Variants in PTPRK observed in about 807,000 individuals in gnomAD.
PTPRK encodes protein tyrosine phosphatase receptor type K, also known as receptor-type tyrosine-protein phosphatase kappa.
A neutral mutation model predicts 178.0 loss-of-function variants in PTPRK; 75 were observed. The observed-to-expected ratio is 0.42, with a 90% CI of 0.35 to 0.51. The LOEUF (loss-of-function observed/expected upper bound fraction) is 0.51, where lower values mean the gene tolerates loss of function less well. PTPRK is among the 20% of genes least tolerant of loss of function. The probability of loss-of-function intolerance (pLI) is 0.02; values close to 1 mark genes in which losing one functional copy is unlikely to be tolerated. For synonymous variants in PTPRK, 637 were observed against 620.6 expected, an observed-to-expected ratio of 1.03 and a Z score of -0.39; for missense variants, 1,441 against 1,797.8, an observed-to-expected ratio of 0.80 and a Z score of 3.59.
intron 13 of PTPRK, among the ~76,000 whole-genome samples, chr6:128,009,515 G>A (rs750258809): frequency 1.3e-5 from 2 of 151,080 alleles, no homozygotes; most frequent in Non-Finnish European, 3.0e-5. Context: ...AAATATCAAA[G>A]AGAATGATGA....
intron 1 of PTPRK, among the ~76,000 whole-genome samples, chr6:128,416,013 G>C (rs1238584573): frequency 6.6e-6 from 1 of 152,104 alleles, no homozygotes; most frequent in Non-Finnish European, 1.5e-5. Flanking sequence ...TAAACATGTA[G>C]TGAAGTATCA....
intron 1 of PTPRK, among the ~76,000 whole-genome samples, chr6:128,406,133 C>A (rs897221633): frequency 1.3e-5 from 2 of 151,850 alleles, no homozygotes; most frequent in Non-Finnish European, 2.9e-5. Flanking sequence ...CATGGTGGAA[C>A]GTGACTATAG....
chr6:128,067,766 A>C lies in PTPRK; in HGVS notation c.1910T>G (p.Leu637Arg). 1 of 1,608,404 alleles carries C rather than the reference A, an allele frequency of 6.2e-7. No individual in the cohort carries two copies. The highest frequency in any genetic ancestry group is 1.1e-5 in the South Asian group (1 of 90,338). The change falls in exon 12 of 30, where the codon CTG becomes CGG. Residue 637 changes from leucine to arginine, a missense_variant. Leu to Arg is a moderately radical substitution (Grantham distance 102, BLOSUM62 -2). Transcript: ENST00000368226. ...TTCTCTCTTGGTTCGGTGTGGGTGCAGTTCTTCCACAACAATCTGATAAGC... is the reference window on the plus strand; with the variant it reads ...TTCTCTCTTGGTTCGGTGTGGGTGCCGTTCTTCCACAACAATCTGATAAGC... ...ISAYQIVVEE[L>R]HPHRTKREAG...
intron 6 of PTPRK, among the ~76,000 whole-genome samples, chr6:128,203,857 T>A (rs974001204): frequency 6.6e-6 from 1 of 152,158 alleles, no homozygotes; most frequent in East Asian, 1.9e-4. Flanking sequence ...CCTAAAGTAA[T>A]TTATAGATTC....
intron 3 of PTPRK, among the ~76,000 whole-genome samples, chr6:128,254,113 T>C (rs17055501): frequency 6.6e-6 from 1 of 151,982 alleles, no homozygotes; most frequent in East Asian, 1.9e-4. Flanking sequence ...ACTGAAAAAA[T>C]TAGTTATGGT....
At chr6:128,078,605 CTATTT>C (rs1244525991) in intron 11 of PTPRK, among the ~76,000 whole-genome samples, 2 of 151,790 alleles carry the variant, frequency 1.3e-5, no homozygotes, top group East Asian at 1.9e-4. Flanking sequence ...CATAGTTGTT[CTATTT>C]TATTATTAGT....
chr6:128,468,673 TGGTAATTC>T (rs1256911470), intron 1 of PTPRK, among the ~76,000 whole-genome samples: 1 of 152,118 alleles, frequency 6.6e-6, no homozygotes, highest in Non-Finnish European at 1.5e-5. Flanking sequence ...ACCTCCATGT[TGGTAATTC>T]ATATTTAGAC....
chr6:128,287,938 A>T (rs1822773671), intron 3 of PTPRK, among the ~76,000 whole-genome samples: 1 of 152,100 alleles, frequency 6.6e-6, no homozygotes, highest in African/African-American at 2.4e-5. Flanking sequence ...GCTACTGTCC[A>T]AACATTCTCT....
chr6:128,328,849 GAAGT>G (rs1829904194), intron 2 of PTPRK, among the ~76,000 whole-genome samples: 1 of 152,044 alleles, frequency 6.6e-6, no homozygotes, highest in South Asian at 2.1e-4. Flanking sequence ...AAGATAGTAA[GAAGT>G]AATAAGCATT....
At chr6:128,141,032 A>G (rs1195044371) in intron 7 of PTPRK, among the ~76,000 whole-genome samples, 1 of 151,990 alleles carries the variant, frequency 6.6e-6, no homozygotes, top group Non-Finnish European at 1.5e-5. Context: ...ACCTTTACAC[A>G]TAATGAATTT....
chr6:128,155,324 T>TA (rs1290625270), intron 7 of PTPRK, among the ~76,000 whole-genome samples: 1 of 151,732 alleles, frequency 6.6e-6, no homozygotes, highest in Non-Finnish European at 1.5e-5. Context: ...AATCATCACC[T>TA]AAATCCATTT....
At chr6:128,498,058 A>G (rs933284434) in intron 1 of PTPRK, among the ~76,000 whole-genome samples, 2 of 152,204 alleles carry the variant, frequency 1.3e-5, no homozygotes, top group Admixed American at 6.5e-5. Context: ...CAAAAACAAA[A>G]GCAAAAAAAC....
At chr6:128,284,125 G>A (rs1262168452) in intron 3 of PTPRK, among the ~76,000 whole-genome samples, 1 of 151,988 alleles carries the variant, frequency 6.6e-6, no homozygotes, top group Non-Finnish European at 1.5e-5. Context: ...CTCAATTTCT[G>A]TTCCAAAACA....
At chr6:128,120,003 A>T (rs1398609909) in intron 7 of PTPRK, among the ~76,000 whole-genome samples, 1 of 151,936 alleles carries the variant, frequency 6.6e-6, no homozygotes, top group Non-Finnish European at 1.5e-5. Context: ...GTGTTTCAGG[A>T]AGAAGTCTGA....
At chr6:128,032,313 G>C (rs897938837) in intron 13 of PTPRK, among the ~76,000 whole-genome samples, 10 of 152,130 alleles carry the variant, frequency 6.6e-5, no homozygotes, top group African/African-American at 2.4e-4. Flanking sequence ...GCCCCTTTGT[G>C]GTTTTCTTCT....
chr6:128,491,446 G>T lies in PTPRK; in HGVS notation c.100+28813C>A, dbSNP rs184387489. ...TCCCAGTGGGACACAAAGGCTTTTTGTGTCTCAGGATTATGTGCTGATAAA... is the reference window on the plus strand; with the variant it reads ...TCCCAGTGGGACACAAAGGCTTTTTTTGTCTCAGGATTATGTGCTGATAAA... On this transcript the variant is annotated intron_variant, in intron 1 of 29. Coordinates refer to ENST00000368226, the MANE Select transcript of PTPRK (RefSeq NM_002844.4). Among the ~76,000 whole-genome samples, 6 of 152,322 alleles carry T rather than the reference G, an allele frequency of 3.9e-5. No homozygotes were observed. The East Asian group carries it at 1.2e-3, about 29-fold the overall frequency.
chr6:128,270,319 G>A (rs955738346), intron 3 of PTPRK, among the ~76,000 whole-genome samples: 4 of 152,102 alleles, frequency 2.6e-5, no homozygotes, highest in Non-Finnish European at 5.9e-5. Context: ...ACCTTAGAAA[G>A]TATCTAAAAT....
chr6:128,164,842 A>G (rs1233112603), intron 7 of PTPRK, among the ~76,000 whole-genome samples: 4 of 151,090 alleles, frequency 2.6e-5, no homozygotes, highest in Admixed American at 2.0e-4. Flanking sequence ...ATTAGAATGT[A>G]TGTATATATT....
Position 128,419,488 on chromosome 6 carries a change from A to G in PTPRK, c.101-21800T>C, listed in dbSNP as rs565685523. Among the ~76,000 whole-genome samples the G allele has an allele frequency of 9.7e-4, 147 of 152,122 alleles. 2 individuals carry two copies. Among genetic ancestry groups the G allele is most frequent in the Middle Eastern group, 6.8e-3 (2 of 294 alleles). On this transcript the variant is annotated intron_variant, in intron 1 of 29. Coordinates refer to ENST00000368226, the MANE Select transcript of PTPRK (RefSeq NM_002844.4). ...AAATTAGCCGGGCATGGTGGCGGGC[A>G]CCTGTAGTCCCAGCTGAGGCTGAGG...
Sources: gnomAD v4.1 joint callset for allele counts (sites outside exome capture counted in the v4.1 genomes callset) on GRCh38, gnomAD v4.1.1 for gene constraint, MANE v1.5 for transcripts, NCBI Gene and HGNC (gene_info 2026-07-23, HGNC 2026-07-21) for gene names.